Variants in GDF9 observed in about 807,000 individuals in gnomAD.
GDF9 encodes the protein growth differentiation factor 9.
A neutral mutation model predicts 33.8 loss-of-function variants in GDF9; 30 were observed. The observed-to-expected ratio is 0.89, with a 90% CI of 0.66 to 1.20. The LOEUF (loss-of-function observed/expected upper bound fraction) is 1.20, where lower values mean the gene tolerates loss of function less well. Ranked by LOEUF, GDF9 falls within the 50% of genes most tolerant of loss-of-function variation. GDF9 has a pLI of 0.00. For synonymous variants in GDF9, 205 were observed against 200.7 expected, an observed-to-expected ratio of 1.02 and a Z score of -0.18; for missense variants, 556 against 543.7, an observed-to-expected ratio of 1.02 and a Z score of -0.22.
In GDF9 at chr5:132,865,836, G is replaced by C. The variant is rs1759567796; in HGVS notation, c.-1303C>G. Among the ~76,000 whole-genome samples, 1 of 152,078 alleles carries C rather than the reference G, an allele frequency of 6.6e-6. No homozygotes were observed. The highest frequency in any genetic ancestry group is 2.4e-5 in the African/African-American group (1 of 41,404). On this transcript the variant is annotated 5_prime_UTR_variant, in exon 1 of 2. Coordinates refer to ENST00000687138, the MANE Select transcript of GDF9 (RefSeq NM_005260.7). ...GCATCGTCAAGCAGAATGCACTTCA[G>C]GGAAAACATAATAAGGCCTCTCACC...
In GDF9 at chr5:132,862,370, T is replaced by C. The variant is rs1340551881; in HGVS notation, c.584A>G (p.Tyr195Cys). 2.5e-6 allele frequency: 4 copies of C among 1,613,718 alleles called. No individual in the cohort carries two copies. In the Admixed American group the frequency reaches 6.7e-5, roughly 27 times the overall value. The stretch of plus-strand genomic sequence containing the variant: ...AAACTGTGAGTTAAAGGTAAATGAG[T>C]ATGGAGCTCTGCCGAGAGTCCTGCT... The part of the protein sequence containing the change: ...SSSRTLGRAP[Y>C]SFTFNSQFEF... Residue 195 changes from tyrosine (Y) to cysteine (C), a missense_variant, in exon 2 of 2, where the codon TAC (tyrosine) becomes TGC (cysteine). Tyr to Cys is a radical substitution (Grantham distance 194). Transcript: ENST00000687138.
chr5:132,865,784 C>T lies in GDF9; in HGVS notation c.-1251G>A, dbSNP rs1467614698. Among the ~76,000 whole-genome samples the T allele has an allele frequency of 2.0e-5, 3 of 152,064 alleles. No individual in the cohort carries two copies. The highest frequency in any genetic ancestry group is 4.4e-5 in the Non-Finnish European group (3 of 68,016). ...CATTAACAAAACACTGACAAGACAC[C>T]TCAGGGCGAGCTGTACATTGACAAC... On this transcript the variant is annotated 5_prime_UTR_variant, in exon 1 of 2. Coordinates refer to ENST00000687138, the MANE Select transcript of GDF9 (RefSeq NM_005260.7).
At chr5:132,863,675 T>C (rs778699908) in intron 1 of GDF9, among the ~76,000 whole-genome samples, 1 of 152,186 alleles carries the variant, frequency 6.6e-6, no homozygotes, top group Non-Finnish European at 1.5e-5. Context: ...ACCCAACTGC[T>C]GAGTCAAACT....
chr5:132,862,680 T>TAAA, intron 1 of GDF9, 124 bp from the exon 2 acceptor site: 1 of 736,542 alleles, frequency 1.4e-6, no homozygotes, highest in Non-Finnish European at 2.2e-6. Context: ...TTCTCAAGCC[T>TAAA]CAAAAAAAAA....
At position 132,862,473 on chromosome 5, in the gene GDF9, T is replaced by A; in HGVS notation, c.481A>T (p.Asn161Tyr). ...EHLLKSVLLY[N>Y]INNSVSFSSA... ...GAAAAAGAAACTGAGTTGTTGATAT[T>A]GTACAGCAAGACTGACTTGAGTAAG... The change falls in exon 2 of 2, where the codon AAT becomes TAT. Residue 161 changes from asparagine (N) to tyrosine (Y), a missense_variant. Asn to Tyr is a moderately radical substitution (Grantham distance 143). Coordinates refer to ENST00000687138, the MANE Select transcript of GDF9 (RefSeq NM_005260.7). 5 of 1,613,820 alleles carry A rather than the reference T, an allele frequency of 3.1e-6. No homozygotes were observed. Among genetic ancestry groups the A allele is most frequent in the Non-Finnish European group, 4.2e-6 (5 of 1,179,826 alleles).
At position 132,864,491 on chromosome 5, in the gene GDF9, C is replaced by T; in HGVS notation, c.43G>A (p.Ala15Thr). ...AGGCTAATAGGAAAACACAGCCAGGCAAAGCAGCAAAACCAAAGGAGGAAT... is the reference window on the plus strand; with the variant it reads ...AGGCTAATAGGAAAACACAGCCAGGTAAAGCAGCAAAACCAAAGGAGGAAT... ...NKFLLWFCCF[A>T]WLCFPISLGS... The change falls in exon 1 of 2, where the codon GCC becomes ACC. Residue 15 changes from alanine to threonine, a missense_variant. By Grantham distance (58) the Ala-to-Thr change is moderately conservative. Transcript: ENST00000687138. 1.2e-6 allele frequency: 2 copies of T among 1,612,196 alleles called. No homozygotes were observed. The highest frequency in any genetic ancestry group is 1.7e-6 in the Non-Finnish European group (2 of 1,180,016).
intron 1 of GDF9, among the ~76,000 whole-genome samples, chr5:132,862,976 G>A (rs906863063): frequency 5.9e-5 from 9 of 152,168 alleles, no homozygotes; most frequent in African/African-American, 2.2e-4. Flanking sequence ...CTACAGGCAT[G>A]AGCTACCATG....
chr5:132,864,549 G>A lies in GDF9; in HGVS notation c.-16C>T, dbSNP rs1368429529. The A allele has an allele frequency of 6.2e-7, 1 of 1,601,866 alleles. No homozygotes were observed. The highest frequency in any genetic ancestry group is 8.5e-7 in the Non-Finnish European group (1 of 1,179,568). On this transcript the variant is annotated 5_prime_UTR_variant, in exon 1 of 2. Coordinates refer to ENST00000687138, the MANE Select transcript of GDF9 (RefSeq NM_005260.7). ...GACGTGCCATGGCTTGGGAGAACTA[G>A]TGAGGAACATATTTCTCCATGCCAG...
intron 1 of GDF9, among the ~76,000 whole-genome samples, chr5:132,863,274 T>C (rs1046054937): frequency 1.3e-5 from 2 of 152,176 alleles, no homozygotes; most frequent in African/African-American, 4.8e-5. Context: ...TAAGCCCTAG[T>C]GAAGAAAGTC....
rs1189593830 is a variant in GDF9 at position 132,862,430 on chromosome 5, A to G, written c.524T>C (p.Val175Ala). The G allele has an allele frequency of 2.5e-6, 4 of 1,614,136 alleles. No homozygotes were observed. The highest frequency in any genetic ancestry group is 1.7e-5 in the Admixed American group (1 of 60,024). ...SVSFSSAVKC[V>A]CNLMIKEPKS... Reference sequence around the variant, plus strand: ...TGGCTCCTTTATCATTAGATTGCACACACATTTGACAGCAGAGGAAAAAGA... The same window carrying G: ...TGGCTCCTTTATCATTAGATTGCACGCACATTTGACAGCAGAGGAAAAAGA... The change falls in exon 2 of 2, where the codon GTG (valine) becomes GCG (alanine). Residue 175 changes from valine to alanine, a missense_variant. Transcript: ENST00000687138.
At chr5:132,863,503 G>C (rs1030308870) in intron 1 of GDF9, among the ~76,000 whole-genome samples, 4 of 150,396 alleles carry the variant, frequency 2.7e-5, no homozygotes, top group Non-Finnish European at 5.9e-5. Context: ...GCAGTGGTGC[G>C]ATCTTGGCTC....
chr5:132,864,079 A>T, intron 1 of GDF9, 58 bp downstream of exon 1: 1 of 1,541,100 alleles, frequency 6.5e-7, no homozygotes, highest in Admixed American at 1.7e-5. Flanking sequence ...CTGTAATTGA[A>T]ATGCAGAAGT....
Position 132,864,728 on chromosome 5 carries a change from T to C in GDF9, c.-195A>G. 1.7e-6 allele frequency: 1 copy of C among 589,678 alleles called. No individual in the cohort carries two copies. Among genetic ancestry groups the C allele is most frequent in the East Asian group, 2.8e-5 (1 of 35,818 alleles). The allele number at this position is 589,678 out of a possible 1,614,324, so 36.5% of individuals were successfully genotyped here. On this transcript the variant is annotated 5_prime_UTR_variant, in exon 1 of 2. Coordinates refer to ENST00000687138, the MANE Select transcript of GDF9 (RefSeq NM_005260.7). ...ATCAAGCAGCTGATAACACCTTATT[T>C]AGCCAATTTGTTAATTAGATACAGA...
chr5:132,866,617 G>C (rs562291224), upstream of GDF9: 39 of 564,114 alleles, frequency 6.9e-5, no homozygotes, highest in African/African-American at 7.2e-4. Flanking sequence ...CTCCAAGAGC[G>C]GCTTCCAACC....
Position 132,865,980 on chromosome 5 carries a change from T to C in GDF9, c.-1447A>G, listed in dbSNP as rs374009127. 3.9e-5 allele frequency among the ~76,000 whole-genome samples: 6 copies of C among 152,156 alleles called. No homozygotes were observed. Among genetic ancestry groups the C allele is most frequent in the African/African-American group, 1.4e-4 (6 of 41,428 alleles). On this transcript the variant is annotated 5_prime_UTR_variant, in exon 1 of 2. The change abolishes an upstream ATG in the 5' untranslated region. Transcript: ENST00000687138. ...GCTGTCGAGGCGGCCTCAGCATTCATCAATTGACGATTATTTGATTATTTT... is the reference window on the plus strand; with the variant it reads ...GCTGTCGAGGCGGCCTCAGCATTCACCAATTGACGATTATTTGATTATTTT...
In GDF9 at chr5:132,861,633, T is replaced by C. The variant is rs1759233898; in HGVS notation, c.1321A>G (p.Lys441Glu). The change falls in exon 2 of 2, where the codon AAA becomes GAA. Residue 441 changes from lysine to glutamate, a missense_variant. Physicochemically the swap from Lys to Glu is moderately conservative, Grantham distance 56 (BLOSUM62 1). Transcript: ENST00000687138. ...GTAGCTATCATATCTTCGTACTCTT[T>C]ATAGGCAATTGAGCCATCGGGCTCA... The part of the protein sequence containing the change: ...TIEPDGSIAY[K>E]EYEDMIATKC... 6.2e-7 allele frequency: 1 copy of C among 1,612,010 alleles called. No homozygotes were observed. The highest frequency in any genetic ancestry group is 1.3e-5 in the African/African-American group (1 of 75,000).
Position 132,862,257 on chromosome 5 carries a change from T to C in GDF9, c.697A>G (p.Met233Val), listed in dbSNP as rs150812210. 60 of 1,613,614 alleles carry C rather than the reference T, an allele frequency of 3.7e-5. No individual in the cohort carries two copies. The African/African-American group carries it at 7.5e-4, about 20-fold the overall frequency. Residue 233 changes from methionine to valine, a missense_variant, in exon 2 of 2, where the codon ATG (methionine) becomes GTG (valine). Coordinates refer to ENST00000687138, the MANE Select transcript of GDF9 (RefSeq NM_005260.7). ...LVASNKRSIH[M>V]SINFTCMKDQ... ...TTCATGCAAGTAAAATTTATAGACATGTGAATACTTCTCTTGTTGGAGGCC... is the reference window on the plus strand; with the variant it reads ...TTCATGCAAGTAAAATTTATAGACACGTGAATACTTCTCTTGTTGGAGGCC...
rs562856013 is a variant in GDF9 at position 132,866,021 on chromosome 5, C to T, written c.-1488G>A. ...TGATTATTTTTGTGGCTGAAACTGA[C>T]GAAACGTTTGTATTATCTCTTGGGA... On this transcript the variant is annotated 5_prime_UTR_variant, in exon 1 of 2. Coordinates refer to ENST00000687138, the MANE Select transcript of GDF9 (RefSeq NM_005260.7). Among the ~76,000 whole-genome samples the T allele has an allele frequency of 6.6e-6, 1 of 152,154 alleles. No homozygotes were observed. Among genetic ancestry groups the T allele is most frequent in the Non-Finnish European group, 1.5e-5 (1 of 68,032 alleles).
Position 132,864,172 on chromosome 5 carries a change from G to A in GDF9, c.362C>T (p.Thr121Ile), listed in dbSNP as rs149821575. The change falls in exon 1 of 2, where the codon ACC (threonine) becomes ATC (isoleucine). Residue 121 changes from threonine to isoleucine, a missense_variant. Physicochemically the swap from Thr to Ile is moderately conservative, Grantham distance 89 (BLOSUM62 -1). Coordinates refer to ENST00000687138, the MANE Select transcript of GDF9 (RefSeq NM_005260.7). ...YNTVRLFTPC[T>I]RHKQAPGDQV... is the part of the protein sequence containing the mutation. ...GTCTCCAGGAGCCTGCTTGTGCCGG[G>A]TACAGGGGGTGAAGAGCCGAACAGT... 620 of 1,614,226 alleles carry A rather than the reference G, an allele frequency of 3.8e-4. 1 individual carries two copies. Among genetic ancestry groups the A allele is most frequent in the Non-Finnish European group, 4.7e-4 (556 of 1,180,028 alleles).
Sources: gnomAD v4.1 joint callset for allele counts (sites outside exome capture counted in the v4.1 genomes callset) on GRCh38, gnomAD v4.1.1 for gene constraint, MANE v1.5 for transcripts, NCBI Gene and HGNC (gene_info 2026-07-23, HGNC 2026-07-21) for gene names.